The following FILIP1L variants were observed in gnomAD, a reference collection of about 807,000 sequenced individuals.
The protein encoded by FILIP1L is filamin A-interacting protein 1-like.
In FILIP1L, 55 loss-of-function variants were observed where a neutral mutation model predicts 96.6. That is an observed-to-expected ratio of 0.57 (90% CI 0.46 to 0.71). The LOEUF is 0.71. FILIP1L is among the 30% of genes least tolerant of loss of function. The pLI, the probability that FILIP1L is intolerant of heterozygous loss-of-function variation, is 0.00. For synonymous variants in FILIP1L, 467 were observed against 473.9 expected, an observed-to-expected ratio of 0.99 and a Z score of 0.19; for missense variants, 1,304 against 1,321.2, an observed-to-expected ratio of 0.99 and a Z score of 0.20.
chr3:100,061,579 C>T (rs990992472), intron 1 of FILIP1L, among the ~76,000 whole-genome samples: 3 of 152,210 alleles, frequency 2.0e-5, no homozygotes, highest in African/African-American at 7.2e-5. Context: ...TGCTTTACCT[C>T]ATAATAAGAG....
At chr3:99,996,552 TAGTC>T (rs1211584634) in intron 1 of FILIP1L, among the ~76,000 whole-genome samples, 1 of 152,172 alleles carries the variant, frequency 6.6e-6, no homozygotes, top group African/African-American at 2.4e-5. Flanking sequence ...TTGACTGTAT[TAGTC>T]AGTTTTCATG....
intron 4 of FILIP1L, among the ~76,000 whole-genome samples, chr3:99,919,741 G>A (rs1377720778): frequency 2.0e-5 from 3 of 152,062 alleles, no homozygotes; most frequent in Non-Finnish European, 4.4e-5. Flanking sequence ...TAATAGAAAA[G>A]GATTGATGGT....
chr3:99,922,603 T>C (rs1296245458), intron 4 of FILIP1L, among the ~76,000 whole-genome samples: 1 of 152,234 alleles, frequency 6.6e-6, no homozygotes, highest in Non-Finnish European at 1.5e-5. Context: ...TTAAGTTACC[T>C]AGCTGAAGTA....
chr3:99,975,988 G>A (rs1295009464), intron 1 of FILIP1L, among the ~76,000 whole-genome samples: 5 of 152,126 alleles, frequency 3.3e-5, no homozygotes, highest in East Asian at 3.9e-4. Context: ...GGGTTCAAGC[G>A]ATTCTCCTGC....
At chr3:99,948,548 AG>A (rs1171842095) in intron 1 of FILIP1L, among the ~76,000 whole-genome samples, 19 of 97,616 alleles carry the variant, frequency 1.9e-4, no homozygotes. Context: ...AGGGAGGGGG[AG>A]GGGGAGAAGA....
At chr3:100,035,124 T>C (rs1196215654) in intron 1 of FILIP1L, among the ~76,000 whole-genome samples, 1 of 152,204 alleles carries the variant, frequency 6.6e-6, no homozygotes, top group Non-Finnish European at 1.5e-5. Context: ...CCAAATTGTA[T>C]GTGTTTCAAG....
intron 4 of FILIP1L, among the ~76,000 whole-genome samples, chr3:99,884,586 T>C (rs1201066435): frequency 2.6e-5 from 4 of 152,162 alleles, no homozygotes; most frequent in African/African-American, 7.2e-5. Flanking sequence ...TCCCACTTTA[T>C]GGGATTCTGT....
intron 1 of FILIP1L, among the ~76,000 whole-genome samples, chr3:100,067,710 A>C (rs2065690513): frequency 6.6e-6 from 1 of 152,150 alleles, no homozygotes. Flanking sequence ...TAGTTTAAAA[A>C]CTGTGTACTG....
intron 1 of FILIP1L, among the ~76,000 whole-genome samples, chr3:100,015,148 C>G (rs1710304365): frequency 6.6e-6 from 1 of 151,796 alleles, no homozygotes. Flanking sequence ...GTTAAAGATG[C>G]TGTCCTTTTC....
chr3:100,066,782 C>CAT (rs2065672879), intron 1 of FILIP1L, among the ~76,000 whole-genome samples: 1 of 94,694 alleles, frequency 1.1e-5, no homozygotes, highest in Non-Finnish European at 2.5e-5. Flanking sequence ...CCGCCCGCCT[C>CAT]GGCCTCCCAA....
intron 3 of FILIP1L, among the ~76,000 whole-genome samples, 188 bp downstream of exon 3, chr3:99,929,668 G>A (rs570991478): frequency 3.3e-5 from 5 of 152,142 alleles, no homozygotes; most frequent in African/African-American, 1.2e-4. Flanking sequence ...CCTAGTGGAC[G>A]CATCCTGTCT....
chr3:99,914,966 CA>C (rs1450763489), intron 4 of FILIP1L, among the ~76,000 whole-genome samples: 1 of 152,166 alleles, frequency 6.6e-6, no homozygotes, highest in Non-Finnish European at 1.5e-5. Flanking sequence ...ATAAAAACTG[CA>C]ATGTATGAAT....
chr3:99,971,073 C>G (rs902266486), intron 1 of FILIP1L, among the ~76,000 whole-genome samples: 10 of 152,152 alleles, frequency 6.6e-5, no homozygotes, highest in Admixed American at 2.0e-4. Context: ...CGTGGTGGCT[C>G]ACGCCTGTAA....
chr3:99,962,334 T>G (rs1305360438), intron 1 of FILIP1L, among the ~76,000 whole-genome samples: 1 of 152,160 alleles, frequency 6.6e-6, no homozygotes, highest in Non-Finnish European at 1.5e-5. Flanking sequence ...TGGGCAGTCC[T>G]CATCAGGAAG....
At chr3:100,010,149 G>T in intron 1 of FILIP1L, 1 of 973,620 alleles carries the variant, frequency 1.0e-6, no homozygotes, top group Middle Eastern at 5.3e-4. Flanking sequence ...TCTGATTGGA[G>T]CCACATTTCA....
Position 99,848,682 on chromosome 3 carries a change from T to G in FILIP1L, c.2994A>C (p.Thr998=). 3 of 1,614,158 alleles carry G rather than the reference T, an allele frequency of 1.9e-6. No homozygotes were observed. The highest frequency in any genetic ancestry group is 2.5e-6 in the Non-Finnish European group (3 of 1,180,026). ...ESCGSLTPER[T]MSPIQVLAVT... is the part of the protein sequence containing the mutation. ...CAGCCAAAACCTGAATAGGGGACAT[T>G]GTCCTTTCTGGAGTTAGAGAACCAC... The change falls in exon 5 of 6, where the codon ACA becomes ACC. Residue 998 remains threonine (T), a synonymous_variant. Coordinates refer to ENST00000477258, the MANE Select transcript of FILIP1L (RefSeq NM_001387850.1).
intron 2 of FILIP1L, 141 bp from the exon 3 acceptor site, chr3:99,930,170 G>T: frequency 2.8e-6 from 2 of 709,508 alleles, no homozygotes; most frequent in Non-Finnish European, 2.3e-6. Flanking sequence ...TTTTATAAAA[G>T]GTAACAAAAC....
chr3:99,952,619 G>A (rs1026746722), intron 1 of FILIP1L, among the ~76,000 whole-genome samples: 3 of 152,140 alleles, frequency 2.0e-5, no homozygotes, highest in Non-Finnish European at 2.9e-5. Flanking sequence ...ATAGATACAC[G>A]GCTTTTAAAC....
chr3:100,045,611 G>C (rs544477721), intron 1 of FILIP1L, among the ~76,000 whole-genome samples: 48 of 152,166 alleles, frequency 3.2e-4, no homozygotes, highest in African/African-American at 1.2e-3. Context: ...GATTTCTGAG[G>C]CTGCCCCCAG....
Sources: allele counts gnomAD v4.1 joint callset (sites outside exome capture counted in the v4.1 genomes callset), GRCh38; gene constraint gnomAD v4.1.1; transcripts MANE v1.5; gene names NCBI Gene and HGNC (gene_info 2026-07-23, HGNC 2026-07-21).